ABCB8: variants seen among roughly 807,000 people sequenced by gnomAD.
ABCB8 encodes ATP binding cassette subfamily B member 8.
Under a neutral mutation model 73.0 loss-of-function variants are expected in ABCB8, and 52 were observed. That is an observed-to-expected ratio of 0.71 (90% confidence interval 0.57 to 0.90). ABCB8 has a LOEUF of 0.90. Among genes scored for constraint, ABCB8 ranks in the 40% least tolerant of loss-of-function variants. The pLI is 0.00. For synonymous variants in ABCB8, 428 were observed against 423.5 expected (o/e 1.01, Z -0.13); for missense variants, 909 against 974.6 (o/e 0.93, Z 0.90).
chr7:151,035,821 C>T, intron 6 of ABCB8, 61 bp from the exon 7 acceptor site: 1 of 1,610,292 alleles, frequency 6.2e-7, no homozygotes, highest in East Asian at 2.2e-5. Context: ...TCCCTGTCCC[C>T]ATCCTGGACT....
At chr7:151,033,388 G>A in intron 1 of ABCB8, 1 of 1,388,288 alleles carries the variant, frequency 7.2e-7, no homozygotes, top group Non-Finnish European at 9.3e-7. Flanking sequence ...TTTAAGACTA[G>A]ATTTTGTGCT....
chr7:151,040,275 G>A lies in ABCB8; in HGVS notation c.1225G>A (p.Ala409Thr). 1 of 1,612,894 alleles carries A rather than the reference G, an allele frequency of 6.2e-7. No individual in the cohort carries two copies. The highest frequency in any genetic ancestry group is 8.5e-7 in the Non-Finnish European group (1 of 1,179,468). ...VASQTVQRSM[A>T]NLSVLFGQVV... Reference sequence around the variant, plus strand: ...CTCTCCTTTTTCTGACAGGTCCATGGCCAACCTCTCTGTCCTGTTTGGGCA... The same window carrying A: ...CTCTCCTTTTTCTGACAGGTCCATGACCAACCTCTCTGTCCTGTTTGGGCA... Residue 409 changes from alanine to threonine, a missense_variant, in exon 10 of 16, where the codon GCC becomes ACC. By Grantham distance (58) the Ala-to-Thr change is moderately conservative. Coordinates refer to ENST00000358849, the MANE Select transcript of ABCB8 (RefSeq NM_007188.5).
At chr7:151,034,983 A>G (rs1052877730) in intron 5 of ABCB8, among the ~76,000 whole-genome samples, 154 bp downstream of exon 5, 26 of 152,212 alleles carry the variant, frequency 1.7e-4, no homozygotes, top group Admixed American at 3.3e-4. Flanking sequence ...GTGAGGGACC[A>G]TGGAAGTTCA....
At chr7:151,044,935 A>G (rs1431802591) in intron 15 of ABCB8, among the ~76,000 whole-genome samples, 1 of 152,222 alleles carries the variant, frequency 6.6e-6, no homozygotes, top group Non-Finnish European at 1.5e-5. Context: ...TCGTGCAGGG[A>G]GACGGATCCT....
chr7:151,028,790 G>A (rs1487343783), intron 1 of ABCB8, 180 bp downstream of exon 1: 1 of 1,544,476 alleles, frequency 6.5e-7, no homozygotes, highest in South Asian at 1.2e-5. Flanking sequence ...TGACACTCCA[G>A]TCGCCAGCAG....
Position 151,036,854 on chromosome 7 carries a change from G to T in ABCB8, c.1217+205G>T, listed in dbSNP as rs1009388447. On this transcript the variant is annotated intron_variant, in intron 9 of 15. Coordinates refer to ENST00000358849, the MANE Select transcript of ABCB8 (RefSeq NM_007188.5). ...CCCTCCTGGCTGGGGCAGTGGCGCT[G>T]CAGCAGGCAGGTGCTTGTCATCTTC... is the stretch of plus-strand genomic sequence containing the variant. 1.6e-5 allele frequency: 12 copies of T among 757,252 alleles called. No homozygotes were observed. The African/African-American group carries it at 1.7e-4, about 11-fold the overall frequency. 46.9% of individuals were successfully genotyped at this position (757,252 alleles called of 1,614,324 possible). A position where few individuals can be genotyped will look rare whatever the true frequency, so the allele number is the denominator to read the frequency against.
Position 151,036,067 on chromosome 7 carries a change from C to T in ABCB8, c.1014-6C>T. On this transcript the variant is annotated splice_region_variant and splice_polypyrimidine_tract_variant and intron_variant, in intron 7 of 15. Transcript: ENST00000358849. ...GCCTCCTGAATGCACTGGTCTCTCTCACCAGGCGCTATGGGGCAGAGCTGG... is the reference window on the plus strand; with the variant it reads ...GCCTCCTGAATGCACTGGTCTCTCTTACCAGGCGCTATGGGGCAGAGCTGG... The T allele has an allele frequency of 1.8e-5, 29 of 1,613,096 alleles. No homozygotes were observed. The highest frequency in any genetic ancestry group is 2.5e-5 in the Non-Finnish European group (29 of 1,179,908).
Position 151,045,995 on chromosome 7 carries a change from AC to A in ABCB8, c.*647del, listed in dbSNP as rs1166552525. The A allele has an allele frequency of 1.3e-5, 2 of 152,226 alleles. No individual in the cohort carries two copies. The highest frequency in any genetic ancestry group is 2.9e-5 in the Non-Finnish European group (2 of 68,112). 9.4% of individuals were successfully genotyped at this position (152,226 alleles called of 1,614,324 possible). On this transcript the variant is annotated 3_prime_UTR_variant, in exon 16 of 16. Coordinates refer to ENST00000358849, the MANE Select transcript of ABCB8 (RefSeq NM_007188.5). The stretch of plus-strand genomic sequence containing the variant: ...TAGATTTCACCTCCCCTCCCCACCC[AC>A]AAGGGACACAGGCCTAACAGGGCCC...
chr7:151,033,498 A>G, intron 1 of ABCB8, 107 bp from the exon 2 acceptor site: 2 of 1,481,802 alleles, frequency 1.3e-6, no homozygotes, highest in Non-Finnish European at 1.8e-6. Flanking sequence ...GGCCTGACAG[A>G]AGAGGAAGTG....
intron 9 of ABCB8, chr7:151,037,432 C>T (rs775350968): frequency 1.3e-4 from 90 of 668,274 alleles, no homozygotes; most frequent in Middle Eastern, 7.6e-4. Context: ...GGTCCAAAAC[C>T]ACCCGCTCAG....
rs1215363070 is a variant in ABCB8, at chr7:151,033,729, G to A, written c.220G>A (p.Val74Ile). Residue 74 changes from valine to isoleucine, a missense_variant, in exon 2 of 16, where the codon GTT becomes ATT. By Grantham distance (29) the Val-to-Ile change is conservative. Transcript: ENST00000358849. ...PRWSPSAWCW[V>I]GGALLGPMVL... ...ATGGAGCCCCTCTGCCTGGTGCTGG[G>A]TTGGGGGAGCCCTGCTAGGCCCCAT... 1.9e-6 allele frequency: 3 copies of A among 1,613,970 alleles called. No individual in the cohort carries two copies. Among genetic ancestry groups the A allele is most frequent in the East Asian group, 4.5e-5 (2 of 44,884 alleles).
In ABCB8 at chr7:151,028,582, C is replaced by G. The variant is rs147628635; in HGVS notation, c.67C>G (p.Leu23Val). 1.1e-5 allele frequency: 17 copies of G among 1,613,850 alleles called. No individual in the cohort carries two copies. The African/African-American group carries it at 1.6e-4, about 15-fold the overall frequency. The change falls in exon 1 of 16, where the codon CTC becomes GTC. Residue 23 changes from leucine (L) to valine (V), a missense_variant. Transcript: ENST00000358849. ...ATTCCCAGGCAGGCTGCTACCGCCC[C>G]TCCGCTTCCAGACATTCTCAGCTGT... ...GPFPGRLLPP[L>V]RFQTFSAVRY...
rs904644206 is a variant in ABCB8 at position 151,031,125 on chromosome 7, T to C, written c.96-2480T>C. The C allele has an allele frequency of 5.9e-6, 4 of 676,296 alleles. No individual in the cohort carries two copies. The African/African-American group carries it at 7.2e-5, about 12-fold the overall frequency. 41.9% of individuals were successfully genotyped at this position (676,296 alleles called of 1,614,324 possible). On this transcript the variant is annotated intron_variant, in intron 1 of 15. Coordinates refer to ENST00000358849, the MANE Select transcript of ABCB8 (RefSeq NM_007188.5). ...ACCCTGTAGTAGTTAGGTCAGATTG[T>C]CCTGCACCTCTAATGAGGGCATGCA...
intron 9 of ABCB8, chr7:151,037,791 G>T: frequency 5.8e-6 from 1 of 171,370 alleles, no homozygotes; most frequent in Non-Finnish European, 1.3e-5. Context: ...CCCAGGAAGC[G>T]GGAGGCGGAC....
chr7:151,035,875 C>T lies in ABCB8; in HGVS notation c.928-7C>T. On this transcript the variant is annotated splice_region_variant and splice_polypyrimidine_tract_variant and intron_variant, in intron 6 of 15. Transcript: ENST00000358849. ...ACTCCTTGTCCTGTTTCCTGGACTC[C>T]TTGCAGATCGCCAGGGCAATGGGCG... The T allele has an allele frequency of 6.2e-7, 1 of 1,613,016 alleles. No homozygotes were observed. Among genetic ancestry groups the T allele is most frequent in the Non-Finnish European group, 8.5e-7 (1 of 1,180,034 alleles).
rs760521009 is a variant in ABCB8, at chr7:151,045,345, C to CCTG, written c.2154_2156dup (p.Ser718_Ter719insCys). 7.0e-6 allele frequency: 11 copies of CCTG among 1,562,234 alleles called. No homozygotes were observed. Among genetic ancestry groups the CCTG allele is most frequent in the African/African-American group, 1.4e-5 (1 of 72,368 alleles). ...GGCCCCAGGAGCCACCAGCACAAGTCCTGAGAAGGGCCCCCTGAGGTGTGG... is the reference window on the plus strand; with the variant it reads ...GGCCCCAGGAGCCACCAGCACAAGTCCTGCTGAGAAGGGCCCCCTGAGGTGTGG... On this transcript the variant is annotated inframe_insertion, in exon 16 of 16. Transcript: ENST00000358849.
chr7:151,033,023 CAGCTCTCTT>C (rs1336701235), intron 1 of ABCB8: 3 of 456,600 alleles, frequency 6.6e-6, no homozygotes, highest in Non-Finnish European at 1.3e-5. Context: ...CAAGTTATTT[CAGCTCTCTT>C]AGCTCCACAT....
At chr7:151,034,957 G>T (rs1796263834) in intron 5 of ABCB8, 128 bp downstream of exon 5, 1 of 762,086 alleles carries the variant, frequency 1.3e-6, no homozygotes, top group South Asian at 1.7e-5. Flanking sequence ...GAAACCCACT[G>T]CCTGTGAGGG....
chr7:151,028,657 A>C, intron 1 of ABCB8, 47 bp downstream of exon 1: 1 of 1,588,058 alleles, frequency 6.3e-7, no homozygotes. Flanking sequence ...ACCGCCCGGC[A>C]GGGCAGTGCC....
Sources: gnomAD v4.1 joint callset for allele counts (sites outside exome capture counted in the v4.1 genomes callset) on GRCh38, gnomAD v4.1.1 for gene constraint, MANE v1.5 for transcripts, NCBI Gene and HGNC (gene_info 2026-07-23, HGNC 2026-07-21) for gene names.